CTNNA3: variants seen among roughly 807,000 people sequenced by gnomAD.
CTNNA3 encodes catenin alpha-3.
Under a neutral mutation model 95.7 loss-of-function variants are expected in CTNNA3, and 76 were observed. The ratio of observed to expected loss-of-function variants is 0.79; its 90% CI spans 0.66 to 0.96. The LOEUF is 0.96. Ranked by LOEUF, CTNNA3 falls within the 40% of genes least tolerant of loss-of-function variation. CTNNA3 has a pLI of 0.00. For missense variants in CTNNA3, 1,191 were observed against 1,089.8 expected (o/e 1.09, Z -1.31); for synonymous variants, 431 against 374.4 (o/e 1.15, Z -1.74).
intron 7 of CTNNA3, among the ~76,000 whole-genome samples, chr10:66,965,686 T>G (rs1849377048): frequency 1.3e-5 from 2 of 151,590 alleles, no homozygotes; most frequent in Non-Finnish European, 2.9e-5. Context: ...AAAGCAAAAC[T>G]GTAGCAAAGC....
intron 15 of CTNNA3, among the ~76,000 whole-genome samples, chr10:66,002,747 G>A (rs1213785838): frequency 6.6e-6 from 1 of 152,118 alleles, no homozygotes; most frequent in Non-Finnish European, 1.5e-5. Flanking sequence ...AGATCTCATA[G>A]GAGACTTCTG....
intron 11 of CTNNA3, among the ~76,000 whole-genome samples, chr10:66,435,878 G>A (rs1310845023): frequency 6.6e-6 from 1 of 152,088 alleles, no homozygotes; most frequent in Non-Finnish European, 1.5e-5. Flanking sequence ...GGTATGTTGT[G>A]TCTTTGTTCT....
At chr10:66,831,984 C>T (rs373465994) in intron 7 of CTNNA3, among the ~76,000 whole-genome samples, 26 of 152,208 alleles carry the variant, frequency 1.7e-4, no homozygotes, top group African/African-American at 5.8e-4. Flanking sequence ...CAACAAATAG[C>T]ATAAGGAAAG....
intron 1 of CTNNA3, among the ~76,000 whole-genome samples, chr10:67,710,066 A>G (rs544100734): frequency 5.5e-4 from 83 of 152,282 alleles, no homozygotes; most frequent in Non-Finnish European, 1.0e-3. Flanking sequence ...TTGCTATAGA[A>G]CACTGCATGT....
chr10:66,224,289 T>C (rs974033822), intron 13 of CTNNA3, among the ~76,000 whole-genome samples: 1 of 152,158 alleles, frequency 6.6e-6, no homozygotes, highest in Non-Finnish European at 1.5e-5. Flanking sequence ...TCTGGAGAAC[T>C]CTGACTAATA....
intron 15 of CTNNA3, among the ~76,000 whole-genome samples, chr10:66,032,482 T>A (rs866320788): frequency 1.3e-5 from 2 of 152,190 alleles, no homozygotes; most frequent in Non-Finnish European, 2.9e-5. Flanking sequence ...GATTTTTTTT[T>A]CCACAGTCCA....
intron 14 of CTNNA3, among the ~76,000 whole-genome samples, chr10:66,076,118 A>G (rs1231926046): frequency 6.6e-6 from 1 of 151,642 alleles, no homozygotes; most frequent in Non-Finnish European, 1.5e-5. Context: ...ATATATACAT[A>G]TTGGAAAAAT....
chr10:66,234,351 T>C (rs1398426677), intron 13 of CTNNA3, among the ~76,000 whole-genome samples: 1 of 152,218 alleles, frequency 6.6e-6, no homozygotes, highest in Non-Finnish European at 1.5e-5. Flanking sequence ...GCAGGACTCC[T>C]GTGCTCCTTA....
intron 5 of CTNNA3, among the ~76,000 whole-genome samples, chr10:67,508,745 G>T (rs1344364125): frequency 6.6e-6 from 1 of 152,106 alleles, no homozygotes; most frequent in Non-Finnish European, 1.5e-5. Flanking sequence ...TAAAATGTTT[G>T]CAGACCATAC....
rs895866094 is a variant in CTNNA3 at position 67,320,484 on chromosome 10, A to G, written c.580-100614T>C. On this transcript the variant is annotated intron_variant, in intron 5 of 17. Coordinates refer to ENST00000433211, the MANE Select transcript of CTNNA3 (RefSeq NM_013266.4). ...GCAAGCCTACATTTTAAAATATTTA[A>G]TCTTTTCTGGTAGCAAGAAATATTG... Among the ~76,000 whole-genome samples, 5 of 152,184 alleles carry G rather than the reference A, an allele frequency of 3.3e-5. No homozygotes were observed. In the East Asian group the frequency reaches 9.6e-4, roughly 29 times the overall value.
chr10:67,760,413 T>C (rs1841456158), intron 1 of CTNNA3, among the ~76,000 whole-genome samples: 1 of 152,186 alleles, frequency 6.6e-6, no homozygotes, highest in Non-Finnish European at 1.5e-5. Context: ...TTACAAGTTA[T>C]ACCCCTGTCT....
intron 5 of CTNNA3, among the ~76,000 whole-genome samples, chr10:67,221,811 T>A (rs1864672784): frequency 6.6e-6 from 1 of 152,054 alleles, no homozygotes; most frequent in African/African-American, 2.4e-5. Flanking sequence ...TCTGACCTTG[T>A]GATCCGCCCG....
At chr10:66,030,502 C>T (rs964074115) in intron 15 of CTNNA3, among the ~76,000 whole-genome samples, 4 of 152,074 alleles carry the variant, frequency 2.6e-5, no homozygotes, top group Non-Finnish European at 4.4e-5. Flanking sequence ...ACTGTCTATC[C>T]GTATACAGAA....
intron 12 of CTNNA3, among the ~76,000 whole-genome samples, chr10:66,365,485 T>C (rs2092704926): frequency 6.6e-6 from 1 of 152,126 alleles, no homozygotes; most frequent in Non-Finnish European, 1.5e-5. Flanking sequence ...CGTATACCTA[T>C]GTAACAAAAC....
At chr10:67,286,811 A>C (rs949786802) in intron 5 of CTNNA3, among the ~76,000 whole-genome samples, 2 of 152,228 alleles carry the variant, frequency 1.3e-5, no homozygotes, top group Non-Finnish European at 2.9e-5. Flanking sequence ...ACAAAATTTT[A>C]AAAGAACAGA....
At chr10:66,444,030 G>A (rs2093397482) in intron 11 of CTNNA3, among the ~76,000 whole-genome samples, 1 of 152,112 alleles carries the variant, frequency 6.6e-6, no homozygotes, top group Non-Finnish European at 1.5e-5. Context: ...GAAGAACGCA[G>A]AAGCCTCAGG....
At chr10:67,635,136 C>T (rs1238406449) in intron 2 of CTNNA3, among the ~76,000 whole-genome samples, 1 of 151,996 alleles carries the variant, frequency 6.6e-6, no homozygotes, top group Non-Finnish European at 1.5e-5. Flanking sequence ...AACTGAATGC[C>T]TGAATAGACC....
At chr10:67,095,612 AATC>A (rs1857942797) in intron 7 of CTNNA3, among the ~76,000 whole-genome samples, 1 of 151,834 alleles carries the variant, frequency 6.6e-6, no homozygotes, top group East Asian at 1.9e-4. Flanking sequence ...ATTTTTCATA[AATC>A]ATCACCATAG....
At chr10:66,082,770 T>C (rs1173887428) in intron 14 of CTNNA3, among the ~76,000 whole-genome samples, 3 of 152,146 alleles carry the variant, frequency 2.0e-5, no homozygotes, top group African/African-American at 7.2e-5. Context: ...AATTGTCATA[T>C]GTATGTCAGC....
Sources: allele counts gnomAD v4.1 joint callset (sites outside exome capture counted in the v4.1 genomes callset), GRCh38; gene constraint gnomAD v4.1.1; transcripts MANE v1.5; gene names NCBI Gene and HGNC (gene_info 2026-07-23, HGNC 2026-07-21).